CDC42BPB: variants seen among roughly 807,000 people sequenced by gnomAD.
The protein encoded by CDC42BPB is serine/threonine-protein kinase MRCK beta.
In CDC42BPB, 37 loss-of-function variants were observed where a neutral mutation model predicts 214.9. The observed-to-expected ratio is 0.17, with a 90% CI of 0.13 to 0.23. CDC42BPB has a LOEUF of 0.23. Ranked by LOEUF, CDC42BPB falls within the 10% of genes least tolerant of loss-of-function variation. The pLI, the probability that CDC42BPB is intolerant of heterozygous loss-of-function variation, is 1.00. For synonymous variants in CDC42BPB, 931 were observed against 884.0 expected (o/e 1.05, Z -0.94); for missense variants, 1,694 against 2,227.0 (o/e 0.76, Z 4.82).
At chr14:102,960,342 C>T (rs992318273) in intron 20 of CDC42BPB, among the ~76,000 whole-genome samples, 3 of 151,660 alleles carry the variant, frequency 2.0e-5, no homozygotes, top group African/African-American at 7.3e-5. Flanking sequence ...CATGGCCAGG[C>T]ACAGTGGTTC....
chr14:102,967,401 T>G, intron 16 of CDC42BPB: 1 of 974,552 alleles, frequency 1.0e-6, no homozygotes, highest in East Asian at 1.1e-4. Context: ...CTTCAGGCAA[T>G]TGGCATCTTT....
Position 103,032,935 on chromosome 14 carries a change from A to T in CDC42BPB, c.176-20747T>A, listed in dbSNP as rs1025080235. The stretch of plus-strand genomic sequence containing the variant: ...CCCGGCCACAAATCCACTTTTTTTA[A>T]AAAAAAAAAAAAAGGAAATTTAAAC... On this transcript the variant is annotated intron_variant, in intron 1 of 36. Transcript: ENST00000361246. Among the ~76,000 whole-genome samples, 173 of 146,520 alleles carry T rather than the reference A, an allele frequency of 1.2e-3. 1 individual carries two copies. The highest frequency in any genetic ancestry group is 6.1e-3 in the Admixed American group (89 of 14,578).
intron 21 of CDC42BPB, among the ~76,000 whole-genome samples, chr14:102,956,930 G>A (rs1160917754): frequency 1.4e-5 from 2 of 147,828 alleles, no homozygotes; most frequent in Non-Finnish European, 3.0e-5. Context: ...TGTAATCCCA[G>A]CACTTTGGGA....
rs947730985 is a variant in CDC42BPB at position 102,971,941 on chromosome 14, C to T, written c.1862G>A (p.Arg621Lys). The T allele has an allele frequency of 1.9e-6, 3 of 1,614,248 alleles. No homozygotes were observed. In the Admixed American group the frequency reaches 5.0e-5, roughly 27 times the overall value. Residue 621 changes from arginine (R) to lysine (K), a missense_variant, in exon 13 of 37, where the codon AGA becomes AAA. Physicochemically the swap from Arg to Lys is conservative, Grantham distance 26 (BLOSUM62 2). Around this residue, in one of 7 missense-constraint regions of CDC42BPB, gnomAD observed 462 missense variants for 513.5 expected, o/e 0.90. Coordinates refer to ENST00000361246, the MANE Select transcript of CDC42BPB (RefSeq NM_006035.4). ...KVDAMRQEMR[R>K]AEKLRKELEA... is the part of the protein sequence containing the mutation. ...TACCTCTTTCCTGAGCTTCTCAGCTCTCCGCATTTCCTGCCGCATGGCGTC... is the reference window on the plus strand; with the variant it reads ...TACCTCTTTCCTGAGCTTCTCAGCTTTCCGCATTTCCTGCCGCATGGCGTC...
intron 2 of CDC42BPB, among the ~76,000 whole-genome samples, chr14:103,009,988 A>T (rs758309289): frequency 6.6e-6 from 1 of 152,192 alleles, no homozygotes; most frequent in Non-Finnish European, 1.5e-5. Context: ...ACTAAAAAGA[A>T]AAAAAGAAAA....
At chr14:103,008,364 G>C (rs1885966912) in intron 3 of CDC42BPB, 108 bp downstream of exon 3, 1 of 748,374 alleles carries the variant, frequency 1.3e-6, no homozygotes, top group African/African-American at 1.7e-5. Flanking sequence ...CGGGGGGCAG[G>C]GAGGCCCAGG....
chr14:102,994,588 C>T (rs1050095996), intron 5 of CDC42BPB, among the ~76,000 whole-genome samples: 2 of 152,188 alleles, frequency 1.3e-5, no homozygotes, highest in African/African-American at 4.8e-5. Context: ...CGGGGAGCAG[C>T]GGCGTCTTCA....
intron 36 of CDC42BPB, among the ~76,000 whole-genome samples, chr14:102,936,553 C>CA (rs1371658111): frequency 4.6e-5 from 7 of 151,494 alleles, no homozygotes; most frequent in Non-Finnish European, 1.0e-4. Context: ...AATGTCCAGA[C>CA]AGGGAAATCA....
At chr14:103,038,361 A>G (rs1328589762) in intron 1 of CDC42BPB, among the ~76,000 whole-genome samples, 1 of 151,758 alleles carries the variant, frequency 6.6e-6, no homozygotes, top group Non-Finnish European at 1.5e-5. Flanking sequence ...AAAAAAACCA[A>G]AACAACTTCA....
rs552484093 is a variant in CDC42BPB, at chr14:103,035,821, C to G, written c.175+21178G>C. 2.0e-5 allele frequency among the ~76,000 whole-genome samples: 3 copies of G among 151,606 alleles called. No individual in the cohort carries two copies. The South Asian group carries it at 6.3e-4, about 32-fold the overall frequency. On this transcript the variant is annotated intron_variant, in intron 1 of 36. Transcript: ENST00000361246. ...CGCCACTGCATTCCAGCCTGGGTGA[C>G]AGAGCAAGACTCTGTCTCAAAAAAA...
chr14:102,968,401 C>T lies in CDC42BPB; in HGVS notation c.2241-43G>A, dbSNP rs150780915. The T allele has an allele frequency of 2.2e-4, 351 of 1,611,966 alleles. No individual in the cohort carries two copies. In the African/African-American group the frequency reaches 4.2e-3, roughly 19 times the overall value. ...AAACAGTTTTAAAAGCTCGTAACTT[C>T]ACTGATATTCGTATCTATGGCGTGG... is the stretch of plus-strand genomic sequence containing the variant. On this transcript the variant is annotated intron_variant, in intron 15 of 36. Transcript: ENST00000361246.
intron 3 of CDC42BPB, among the ~76,000 whole-genome samples, chr14:103,006,301 G>A (rs1332128777): frequency 6.6e-6 from 1 of 152,246 alleles, no homozygotes; most frequent in Admixed American, 6.5e-5. Context: ...AGGTGAGACC[G>A]TGGGCTCAGG....
intron 1 of CDC42BPB, among the ~76,000 whole-genome samples, chr14:103,044,500 G>C (rs1888183569): frequency 6.6e-6 from 1 of 151,658 alleles, no homozygotes; most frequent in African/African-American, 2.4e-5. Context: ...CTCCTGAGTA[G>C]CTGGGACTAC....
chr14:103,029,439 A>G (rs891974981), intron 1 of CDC42BPB, among the ~76,000 whole-genome samples: 6 of 151,604 alleles, frequency 4.0e-5, no homozygotes, highest in Non-Finnish European at 7.4e-5. Flanking sequence ...GCTACTGAGG[A>G]GGCTGAGGCA....
At position 102,944,174 on chromosome 14, in the gene CDC42BPB, G is replaced by A. The variant is rs775515879; in HGVS notation, c.4125C>T (p.Ser1375=). 1.7e-5 allele frequency: 27 copies of A among 1,613,090 alleles called. No individual in the cohort carries two copies. Among genetic ancestry groups the A allele is most frequent in the African/African-American group, 1.2e-4 (9 of 74,930 alleles). ...RKFNEIVAPG[S]VQCLAVLRDR... is the part of the protein sequence containing the mutation. ...CCCTGAGCACCGCCAGGCACTGCAC[G>A]CTGCCGGGAGCCACAATCTCATTGA... The change falls in exon 30 of 37, where the codon AGC becomes AGT. Residue 1375 remains serine, a synonymous_variant. Transcript: ENST00000361246. The surrounding 1 kb of genome is among the most constrained non-coding windows in gnomAD (Gnocchi z 6.6).
intron 5 of CDC42BPB, among the ~76,000 whole-genome samples, chr14:102,991,415 T>C (rs74338755): frequency 1.2e-3 from 190 of 152,368 alleles, no homozygotes; most frequent in African/African-American, 4.1e-3. Context: ...TGAGGAACTA[T>C]TCTAGATTAA....
intron 1 of CDC42BPB, among the ~76,000 whole-genome samples, chr14:103,018,535 T>C (rs1886594371): frequency 6.6e-6 from 1 of 152,088 alleles, no homozygotes; most frequent in Non-Finnish European, 1.5e-5. Flanking sequence ...GCATCGATAG[T>C]GTTGGAACTA....
In CDC42BPB at chr14:102,932,773, G is replaced by C. The variant is rs1219939290; in HGVS notation, c.*939C>G. 6.6e-6 allele frequency: 1 copy of C among 152,434 alleles called. No homozygotes were observed. Among genetic ancestry groups the C allele is most frequent in the South Asian group, 2.1e-4 (1 of 4,816 alleles). The allele number at this position is 152,434 out of a possible 1,614,324, so 9.4% of individuals were successfully genotyped here. A position where few individuals can be genotyped will look rare whatever the true frequency, so the allele number is the denominator to read the frequency against. On this transcript the variant is annotated 3_prime_UTR_variant, in exon 37 of 37. Transcript: ENST00000361246. ...AGGTGAAATCCACGCGCAGGGGATT[G>C]CTGTGCCGTGGGCCGGGGCCAGTGT...
At chr14:102,955,062 C>G (rs1282955533) in intron 21 of CDC42BPB, among the ~76,000 whole-genome samples, 1 of 152,242 alleles carries the variant, frequency 6.6e-6, no homozygotes, top group Non-Finnish European at 1.5e-5. Context: ...AAGGGCAAGA[C>G]CTGGAAATGC....
Sources: gnomAD v4.1 joint callset for allele counts (sites outside exome capture counted in the v4.1 genomes callset) on GRCh38, gnomAD v4.1.1 for gene constraint, gnomAD v4.1.1 regional missense constraint, Gnocchi (gnomAD v3.1) non-coding constraint, MANE v1.5 for transcripts, NCBI Gene and HGNC (gene_info 2026-07-23, HGNC 2026-07-21) for gene names.